RIMBP2: variants seen among roughly 807,000 people sequenced by gnomAD.
RIMBP2 encodes RIMS-binding protein 2.
Under a neutral mutation model 118.6 loss-of-function variants are expected in RIMBP2, and 48 were observed. The observed-to-expected ratio is 0.40, with a 90% CI of 0.32 to 0.51. The LOEUF is 0.51. RIMBP2 is among the 20% of genes least tolerant of loss of function. The pLI is 0.41. For missense variants in RIMBP2, 1,551 were observed against 1,768.3 expected (o/e 0.88, Z 2.20); for synonymous variants, 762 against 742.9 (o/e 1.03, Z -0.42).
At chr12:130,436,709 G>A (rs557328373) in intron 13 of RIMBP2, 133 bp downstream of exon 13, 25 of 599,316 alleles carry the variant, frequency 4.2e-5, no homozygotes, top group East Asian at 3.1e-4. Flanking sequence ...CCAGCAAAGC[G>A]GTGGGCTGAG....
rs1009876593 is a variant in RIMBP2 at position 130,434,548 on chromosome 12, G to T, written c.2253+186C>A. Among the ~76,000 whole-genome samples, 4 of 152,196 alleles carry T rather than the reference G, an allele frequency of 2.6e-5. No homozygotes were observed. The highest frequency in any genetic ancestry group is 5.9e-5 in the Non-Finnish European group (4 of 68,050). On this transcript the variant is annotated intron_variant, in intron 14 of 22. Transcript: ENST00000690449. This position sits in a 1 kb window ranked among gnomAD's most constrained non-coding sequence, Gnocchi z 5.7. ...ACTTTTTCAATTATCCCCAATGAGG[G>T]TATGTGACAGGCATTAAATATAAAC...
rs193120696 is a variant in RIMBP2, at chr12:130,450,964, T to A, written c.504+231A>T. On this transcript the variant is annotated intron_variant, in intron 8 of 22. Transcript: ENST00000690449. The surrounding 1 kb of genome is among the most constrained non-coding windows in gnomAD (Gnocchi z 4.8). The stretch of plus-strand genomic sequence containing the variant: ...GCTTTTCTAAACGCTGCCTCGCCAG[T>A]GTTCTCTCTGCTCCCCCTTAGAACA... Among the ~76,000 whole-genome samples the A allele has an allele frequency of 6.6e-6, 1 of 152,344 alleles. No homozygotes were observed. The highest frequency in any genetic ancestry group is 1.9e-4 in the East Asian group (1 of 5,180).
intron 1 of RIMBP2, among the ~76,000 whole-genome samples, chr12:130,639,944 C>T (rs182276040): frequency 4.7e-4 from 71 of 152,286 alleles, no homozygotes; most frequent in Admixed American, 3.9e-3. Context: ...TCCATAAATT[C>T]CTGACATATG....
chr12:130,545,679 G>A (rs769351522), intron 2 of RIMBP2, among the ~76,000 whole-genome samples: 35 of 152,284 alleles, frequency 2.3e-4, no homozygotes, highest in Middle Eastern at 3.4e-3. Context: ...GTTCAGAGCC[G>A]CCGTCGAGTG....
intron 20 of RIMBP2, 93 bp from the exon 21 acceptor site, chr12:130,406,336 G>T: frequency 1.3e-6 from 1 of 789,554 alleles, no homozygotes; most frequent in Non-Finnish European, 2.1e-6. Flanking sequence ...CTTACTATTT[G>T]AGAATTTCTG....
At chr12:130,584,153 T>C (rs2058678387) in intron 2 of RIMBP2, among the ~76,000 whole-genome samples, 1 of 136,772 alleles carries the variant, frequency 7.3e-6, no homozygotes. Context: ...GTAACGGTGG[T>C]TACATCATCA....
intron 2 of RIMBP2, among the ~76,000 whole-genome samples, chr12:130,588,677 C>T (rs1329303063): frequency 1.3e-5 from 2 of 152,306 alleles, no homozygotes; most frequent in Non-Finnish European, 2.9e-5. Context: ...TTCAATGGTT[C>T]GGAAAGCATT....
At chr12:130,476,231 G>A (rs1410115177) in intron 5 of RIMBP2, among the ~76,000 whole-genome samples, 1 of 152,200 alleles carries the variant, frequency 6.6e-6, no homozygotes, top group Non-Finnish European at 1.5e-5. Context: ...ATGCATGGGT[G>A]ACACTAACAA....
chr12:130,517,898 G>T lies in RIMBP2; in HGVS notation c.-197C>A. The T allele has an allele frequency of 3.0e-6, 3 of 985,354 alleles. No individual in the cohort carries two copies. The highest frequency in any genetic ancestry group is 4.7e-5 in the South Asian group (1 of 21,270). 61.0% of individuals were successfully genotyped at this position (985,354 alleles called of 1,614,324 possible). A position where few individuals can be genotyped will look rare whatever the true frequency, so the allele number is the denominator to read the frequency against. ...TCTCAGGAGATACTCTCCCTGGGTG[G>T]CATCCTTCAGTTCATTTTCCTAGGA... On this transcript the variant is annotated 5_prime_UTR_variant, in exon 3 of 23. Transcript: ENST00000690449.
chr12:130,504,596 CA>C (rs2050126885), intron 4 of RIMBP2, among the ~76,000 whole-genome samples: 1 of 152,154 alleles, frequency 6.6e-6, no homozygotes, highest in Admixed American at 6.5e-5. Context: ...GAAAGGCACG[CA>C]GTCCTGCCAA....
chr12:130,639,224 A>G (rs1158013720), intron 1 of RIMBP2, among the ~76,000 whole-genome samples: 1 of 151,760 alleles, frequency 6.6e-6, no homozygotes, highest in Non-Finnish European at 1.5e-5. Context: ...CCCCATCTCT[A>G]CTAAAAATAC....
intron 1 of RIMBP2, among the ~76,000 whole-genome samples, chr12:130,695,523 C>T (rs11061090): frequency 0.038 from 5,776 of 152,256 alleles, 374 homozygotes; most frequent in African/African-American, 0.13. Context: ...GGGAGGTTCG[C>T]TCGAGTCCAG....
chr12:130,536,781 G>A (rs1397688821), intron 2 of RIMBP2, among the ~76,000 whole-genome samples: 3 of 152,194 alleles, frequency 2.0e-5, no homozygotes, highest in Admixed American at 6.5e-5. Flanking sequence ...CCTAAAGTGA[G>A]ATGAGAGGAA....
At chr12:130,611,387 G>A (rs973786276) in intron 2 of RIMBP2, among the ~76,000 whole-genome samples, 18 of 152,220 alleles carry the variant, frequency 1.2e-4, no homozygotes, top group African/African-American at 2.7e-4. Context: ...CAGACAATAC[G>A]TTGCAGGATA....
intron 1 of RIMBP2, among the ~76,000 whole-genome samples, chr12:130,690,010 G>A (rs550337484): frequency 1.3e-5 from 2 of 152,298 alleles, no homozygotes; most frequent in African/African-American, 4.8e-5. Context: ...CCTCGCAATT[G>A]CAGAGCTGAG....
intron 2 of RIMBP2, among the ~76,000 whole-genome samples, chr12:130,531,415 T>C (rs1046543575): frequency 6.6e-6 from 1 of 152,254 alleles, no homozygotes; most frequent in East Asian, 1.9e-4. Context: ...TTCTATTCTA[T>C]GTAAATGTAA....
At position 130,442,216 on chromosome 12, in the gene RIMBP2, C is replaced by A; in HGVS notation, c.1136G>T (p.Cys379Phe). 6.2e-7 allele frequency: 1 copy of A among 1,614,198 alleles called. No individual in the cohort carries two copies. Among genetic ancestry groups the A allele is most frequent in the African/African-American group, 1.3e-5 (1 of 75,066 alleles). Residue 379 changes from cysteine (C) to phenylalanine (F), a missense_variant, in exon 11 of 23, where the codon TGC becomes TTC. Coordinates refer to ENST00000690449, the MANE Select transcript of RIMBP2 (RefSeq NM_001393629.1). The surrounding 1 kb of genome is among the most constrained non-coding windows in gnomAD (Gnocchi z 6.9). ...ALIEKLNMAA[C>F]TYRISVQCVT... is the part of the protein sequence containing the mutation. ...GCACTGCACGGAGATGCGGTAGGTG[C>A]AGGCTGCCATGTTGAGCTTCTCGAT...
At chr12:130,496,810 CCT>C (rs1376021544) in intron 4 of RIMBP2, among the ~76,000 whole-genome samples, 1 of 152,174 alleles carries the variant, frequency 6.6e-6, no homozygotes, top group East Asian at 1.9e-4. Context: ...CTGTCCTCTC[CCT>C]GAGGAGTGGG....
chr12:130,522,799 C>T (rs898154821), intron 2 of RIMBP2, among the ~76,000 whole-genome samples: 6 of 152,076 alleles, frequency 3.9e-5, no homozygotes, highest in African/African-American at 1.4e-4. Context: ...TGCATCTCCC[C>T]AAATTCGTAC....
Sources: gnomAD v4.1 joint callset for allele counts (sites outside exome capture counted in the v4.1 genomes callset) on GRCh38, gnomAD v4.1.1 for gene constraint, Gnocchi (gnomAD v3.1) non-coding constraint, MANE v1.5 for transcripts, NCBI Gene and HGNC (gene_info 2026-07-23, HGNC 2026-07-21) for gene names.